The following EFCAB5 variants were observed in gnomAD, a reference collection of about 807,000 sequenced individuals.
The protein encoded by EFCAB5 is EF-hand calcium-binding domain-containing protein 5.
In EFCAB5, 131 loss-of-function variants were observed where a neutral mutation model predicts 167.9. The observed-to-expected ratio is 0.78, with a 90% CI of 0.68 to 0.90. EFCAB5 has a LOEUF of 0.90. EFCAB5 is among the 40% of genes least tolerant of loss of function. The pLI, the probability that EFCAB5 is intolerant of heterozygous loss-of-function variation, is 0.00. For synonymous variants in EFCAB5, 574 were observed against 602.8 expected, an observed-to-expected ratio of 0.95 and a Z score of 0.70; for missense variants, 1,663 against 1,745.2, an observed-to-expected ratio of 0.95 and a Z score of 0.84.
rs370283402 is a variant in EFCAB5, at chr17:30,078,395, T to C, written c.2918T>C (p.Leu973Pro). 18 of 1,613,894 alleles carry C rather than the reference T, an allele frequency of 1.1e-5. No individual in the cohort carries two copies. In the African/African-American group the frequency reaches 2.1e-4, roughly 19 times the overall value. ...TTAGAGAGGAGCCACATTGAGAGTC[T>C]GAGGAATTCTGCCAGGCGGAAATGG... ...NALERSHIES[L>P]RNSARRKWLH... Residue 973 changes from leucine to proline, a missense_variant, in exon 15 of 23, where the codon CTG becomes CCG. Leu to Pro is a moderately conservative substitution (Grantham distance 98). Coordinates refer to ENST00000394835, the MANE Select transcript of EFCAB5 (RefSeq NM_198529.4).
intron 3 of EFCAB5, among the ~76,000 whole-genome samples, chr17:29,967,741 G>C (rs964755882): frequency 6.6e-6 from 1 of 152,088 alleles, no homozygotes; most frequent in African/African-American, 2.4e-5. Context: ...ATAGGTGCCT[G>C]TTCTCAGTCT....
In EFCAB5 at chr17:30,108,312, G is replaced by T. The variant is rs569559487; in HGVS notation, c.*288G>T. Reference sequence around the variant, plus strand: ...TTGTATCTGCTGTGGAACTGTTATGGTTGATTGGGTAGTTATTTTTCATTC... The same window carrying T: ...TTGTATCTGCTGTGGAACTGTTATGTTTGATTGGGTAGTTATTTTTCATTC... On this transcript the variant is annotated 3_prime_UTR_variant, in exon 23 of 23. Transcript: ENST00000394835. 2 of 224,656 alleles carry T rather than the reference G, an allele frequency of 8.9e-6. No individual in the cohort carries two copies. Among genetic ancestry groups the T allele is most frequent in the African/African-American group, 2.3e-5 (1 of 42,848 alleles). The allele number at this position is 224,656 out of a possible 1,614,324, so 13.9% of individuals were successfully genotyped here.
chr17:29,950,272 T>C (rs2067481305), intron 3 of EFCAB5, among the ~76,000 whole-genome samples: 1 of 151,674 alleles, frequency 6.6e-6, no homozygotes, highest in Non-Finnish European at 1.5e-5. Flanking sequence ...CCTTCCTTTC[T>C]TCCTTTCCTT....
intron 5 of EFCAB5, among the ~76,000 whole-genome samples, chr17:29,996,042 G>C (rs1022959265): frequency 6.6e-6 from 1 of 152,068 alleles, no homozygotes; most frequent in Non-Finnish European, 1.5e-5. Context: ...ATCTTGTTCA[G>C]ACATAACAAG....
intron 4 of EFCAB5, among the ~76,000 whole-genome samples, chr17:29,985,748 G>A (rs927247842): frequency 6.6e-6 from 1 of 152,220 alleles, no homozygotes; most frequent in African/African-American, 2.4e-5. Flanking sequence ...TGAGCCAGGT[G>A]TTCCTTGCCC....
chr17:29,933,517 G>T (rs1353242974), intron 1 of EFCAB5, among the ~76,000 whole-genome samples: 5 of 152,166 alleles, frequency 3.3e-5, no homozygotes, highest in African/African-American at 1.2e-4. Flanking sequence ...TGAATTTGAG[G>T]AGAGAGAGGC....
intron 7 of EFCAB5, among the ~76,000 whole-genome samples, chr17:30,013,063 T>C (rs1274707583): frequency 1.3e-5 from 2 of 152,228 alleles, no homozygotes; most frequent in African/African-American, 4.8e-5. Context: ...GACATAATCA[T>C]GTGGTTTTGT....
chr17:29,987,275 G>C (rs1020227740), intron 4 of EFCAB5, among the ~76,000 whole-genome samples: 2 of 152,136 alleles, frequency 1.3e-5, no homozygotes, highest in African/African-American at 4.8e-5. Context: ...CTCAGCGTCA[G>C]TCTTGATATG....
Position 29,993,343 on chromosome 17 carries a change from G to A in EFCAB5, c.924+22G>A, listed in dbSNP as rs769513800. 4.8e-5 allele frequency: 77 copies of A among 1,602,568 alleles called. No homozygotes were observed. The Middle Eastern group carries it at 5.0e-3, about 103-fold the overall frequency. On this transcript the variant is annotated intron_variant, in intron 5 of 22. Transcript: ENST00000394835. The stretch of plus-strand genomic sequence containing the variant: ...AGTGGTAAGAAAATTGGGGGTATAT[G>A]TGAAAGGTAGGTGGGGTAAGTGGTA...
chr17:30,031,867 A>AT (rs113855431), intron 7 of EFCAB5: 191 of 147,080 alleles, frequency 1.3e-3, no homozygotes, highest in African/African-American at 3.7e-3. Flanking sequence ...ACACACACAC[A>AT]TTTTTTTTTT....
intron 4 of EFCAB5, among the ~76,000 whole-genome samples, chr17:29,989,544 C>A (rs189909634): frequency 7.9e-5 from 12 of 152,330 alleles, no homozygotes; most frequent in Admixed American, 2.0e-4. Context: ...TCTTTTAAGT[C>A]TATGACTATT....
At chr17:29,951,361 G>A (rs998460157) in intron 3 of EFCAB5, among the ~76,000 whole-genome samples, 2 of 151,848 alleles carry the variant, frequency 1.3e-5, no homozygotes, top group South Asian at 2.1e-4. Flanking sequence ...GTTTTGAGAC[G>A]GAGTCTTTCT....
At chr17:30,097,396 A>G (rs2071318884) in intron 22 of EFCAB5, among the ~76,000 whole-genome samples, 1 of 152,214 alleles carries the variant, frequency 6.6e-6, no homozygotes, top group Non-Finnish European at 1.5e-5. Context: ...ACATAGAACT[A>G]AAAGCCTAAA....
intron 4 of EFCAB5, among the ~76,000 whole-genome samples, chr17:29,973,626 C>T (rs1326663324): frequency 4.0e-5 from 6 of 150,830 alleles, no homozygotes; most frequent in South Asian, 2.1e-4. Flanking sequence ...TACAGGCACC[C>T]GCCACTACAC....
Position 30,107,852 on chromosome 17 carries a change from T to A in EFCAB5, c.4340T>A (p.Val1447Glu), listed in dbSNP as rs2071469582. 2 of 1,575,804 alleles carry A rather than the reference T, an allele frequency of 1.3e-6. No homozygotes were observed. The highest frequency in any genetic ancestry group is 8.6e-7 in the Non-Finnish European group (1 of 1,166,972). Residue 1447 changes from valine to glutamate, a missense_variant, in exon 23 of 23, where the codon GTA becomes GAA. Physicochemically the swap from Val to Glu is moderately radical, Grantham distance 121. Coordinates refer to ENST00000394835, the MANE Select transcript of EFCAB5 (RefSeq NM_198529.4). ...EYIRDHSRTE[V>E]WKFGNVVIEH... The stretch of plus-strand genomic sequence containing the variant: ...GATGCAGATCATTCCCGAACTGAAG[T>A]ATGGAAATTTGGTAATGTTGTCATT...
Position 29,942,318 on chromosome 17 carries a change from A to C in EFCAB5, c.105+16A>C, listed in dbSNP as rs1292484598. On this transcript the variant is annotated intron_variant, in intron 2 of 22. Transcript: ENST00000394835. ...GCTTCATGAGGTAGAGTTGGCATGA[A>C]TAAATCAGATATTAATGCTGGAGAA... The C allele has an allele frequency of 6.4e-7, 1 of 1,561,944 alleles. No individual in the cohort carries two copies. The highest frequency in any genetic ancestry group is 2.0e-5 in the Admixed American group (1 of 50,962).
At chr17:30,008,916 T>G (rs1434201232) in intron 7 of EFCAB5, among the ~76,000 whole-genome samples, 1 of 152,168 alleles carries the variant, frequency 6.6e-6, no homozygotes, top group African/African-American at 2.4e-5. Context: ...ATGAAGGTGC[T>G]GGCAGGGCTG....
chr17:30,069,647 G>C (rs1027241789), intron 14 of EFCAB5: 16 of 1,590,548 alleles, frequency 1.0e-5, no homozygotes, highest in Non-Finnish European at 1.4e-5. Context: ...TGGGCCACGG[G>C]GGCCCAGCAC....
intron 7 of EFCAB5, among the ~76,000 whole-genome samples, chr17:30,008,602 T>A (rs943606712): frequency 3.8e-4 from 57 of 151,340 alleles, no homozygotes; most frequent in East Asian, 1.4e-3. Context: ...AAAAAAAAAA[T>A]TTTTTTATAT....
Sources: allele counts gnomAD v4.1 joint callset (sites outside exome capture counted in the v4.1 genomes callset), GRCh38; gene constraint gnomAD v4.1.1; transcripts MANE v1.5; gene names NCBI Gene and HGNC (gene_info 2026-07-23, HGNC 2026-07-21).